PPIL4: variants seen among roughly 807,000 people sequenced by gnomAD.
PPIL4 encodes the protein peptidyl-prolyl cis-trans isomerase-like 4.
Under a neutral mutation model 69.1 loss-of-function variants are expected in PPIL4, and 50 were observed. The observed-to-expected ratio is 0.72, with a 90% CI of 0.58 to 0.92. The LOEUF (loss-of-function observed/expected upper bound fraction) is 0.92. Ranked by LOEUF, PPIL4 falls within the 40% of genes least tolerant of loss-of-function variation. The pLI, the probability that PPIL4 is intolerant of heterozygous loss-of-function variation, is 0.00. For missense variants in PPIL4, 480 were observed against 587.9 expected (o/e 0.82, Z 1.90); for synonymous variants, 193 against 191.6 (o/e 1.01, Z -0.06).
chr6:149,526,325 T>C (rs1777106503), intron 8 of PPIL4, among the ~76,000 whole-genome samples: 2 of 152,158 alleles, frequency 1.3e-5, no homozygotes, highest in African/African-American at 4.8e-5. Flanking sequence ...AGGAGTTGAA[T>C]GAGATAAATA....
chr6:149,529,519 T>C (rs1267194092), intron 7 of PPIL4, among the ~76,000 whole-genome samples: 1 of 150,716 alleles, frequency 6.6e-6, no homozygotes, highest in African/African-American at 2.4e-5. Context: ...TCCCAGCACT[T>C]TGGGAGGCTG....
At position 149,520,949 on chromosome 6, in the gene PPIL4, G is replaced by A. The variant is rs1319221201; in HGVS notation, c.982+111C>T. 8 of 621,040 alleles carry A rather than the reference G, an allele frequency of 1.3e-5. No homozygotes were observed. In the East Asian group the frequency reaches 2.3e-4, roughly 18 times the overall value. 38.5% of individuals were successfully genotyped at this position (621,040 alleles called of 1,614,324 possible). On this transcript the variant is annotated intron_variant, in intron 10 of 12. Transcript: ENST00000253329. The stretch of plus-strand genomic sequence containing the variant: ...AATGGCTTGAACCTGGGAGACACAG[G>A]TTGCAGTGAACCAAGATCGTGCCAC...
intron 7 of PPIL4, among the ~76,000 whole-genome samples, chr6:149,532,823 T>C (rs1012008633): frequency 5.9e-5 from 9 of 152,194 alleles, no homozygotes; most frequent in African/African-American, 2.2e-4. Context: ...CTCTATAAAA[T>C]AATAAATAAA....
intron 7 of PPIL4, among the ~76,000 whole-genome samples, chr6:149,528,938 T>A (rs114583181): frequency 6.6e-6 from 1 of 152,124 alleles, no homozygotes; most frequent in Non-Finnish European, 1.5e-5. Context: ...TTAAAAGAAA[T>A]GAGCTATCAG....
At chr6:149,524,727 C>T (rs1777081282) in intron 9 of PPIL4, among the ~76,000 whole-genome samples, 1 of 152,072 alleles carries the variant, frequency 6.6e-6, no homozygotes, top group South Asian at 2.1e-4. Context: ...TGGTGAAACC[C>T]TGTCTCTACT....
At chr6:149,508,401 A>G (rs1776796683) in intron 12 of PPIL4, among the ~76,000 whole-genome samples, 1 of 152,230 alleles carries the variant, frequency 6.6e-6, no homozygotes, top group Non-Finnish European at 1.5e-5. Context: ...ACATAAGACA[A>G]GATGATTAAA....
In PPIL4 at chr6:149,532,621, G is replaced by T. The variant is rs371558376; in HGVS notation, c.678+837C>A. On this transcript the variant is annotated intron_variant, in intron 7 of 12. Transcript: ENST00000253329. ...TTGATGGTAATATAAACTTAAGCCT[G>T]GCCAACATAGGGAGATCCTGTCTCT... 9.9e-5 allele frequency among the ~76,000 whole-genome samples: 15 copies of T among 152,026 alleles called. No individual in the cohort carries two copies. In the East Asian group the frequency reaches 2.9e-3, roughly 29 times the overall value.
At chr6:149,532,338 C>G (rs1404110977) in intron 7 of PPIL4, among the ~76,000 whole-genome samples, 2 of 152,152 alleles carry the variant, frequency 1.3e-5, no homozygotes, top group East Asian at 3.9e-4. Flanking sequence ...GCATAAACTT[C>G]CAAAGTGTTG....
At chr6:149,538,643 AG>A (rs888232621) in intron 4 of PPIL4, among the ~76,000 whole-genome samples, 10 of 152,328 alleles carry the variant, frequency 6.6e-5, no homozygotes, top group African/African-American at 2.2e-4. Flanking sequence ...ACAGAAGTTA[AG>A]AAGAAGTAGA....
chr6:149,530,793 A>G (rs1445312177), intron 7 of PPIL4, among the ~76,000 whole-genome samples: 1 of 152,194 alleles, frequency 6.6e-6, no homozygotes. Context: ...AAACTGGTGC[A>G]GTCAGGAATC....
chr6:149,509,010 G>A (rs1776804520), intron 12 of PPIL4, among the ~76,000 whole-genome samples: 1 of 151,624 alleles, frequency 6.6e-6, no homozygotes. Context: ...AAAATCGGGG[G>A]GCCATTAAAA....
At chr6:149,525,871 C>T (rs762052039) in intron 8 of PPIL4, among the ~76,000 whole-genome samples, 3 of 152,106 alleles carry the variant, frequency 2.0e-5, no homozygotes, top group East Asian at 1.9e-4. Context: ...GAGGCCAAGA[C>T]GGACGGATCA....
In PPIL4 at chr6:149,546,037, G is replaced by A; in HGVS notation, c.-32C>T. On this transcript the variant is annotated 5_prime_UTR_variant, in exon 1 of 13. Transcript: ENST00000253329. ...CGCTCCTCCTCCGCTACAAACCCCG[G>A]GAGGAGGGGGGTGACAGGCGCAGGC... 4 of 1,552,686 alleles carry A rather than the reference G, an allele frequency of 2.6e-6. No individual in the cohort carries two copies. In the East Asian group the frequency reaches 7.3e-5, roughly 28 times the overall value.
At chr6:149,512,688 T>C (rs1294835215) in intron 11 of PPIL4, among the ~76,000 whole-genome samples, 1 of 152,178 alleles carries the variant, frequency 6.6e-6, no homozygotes, top group Non-Finnish European at 1.5e-5. Context: ...GTCTCTTCTT[T>C]TAGTTCAATC....
chr6:149,541,585 G>C lies in PPIL4; in HGVS notation c.72C>G (p.Ala24=), dbSNP rs150569351. The C allele has an allele frequency of 1.9e-5, 30 of 1,543,578 alleles. No individual in the cohort carries two copies. In the East Asian group the frequency reaches 5.0e-4, roughly 26 times the overall value. The change falls in exon 2 of 13, where the codon GCC becomes GCG. Residue 24 remains alanine (A), a splice_region_variant and synonymous_variant. Coordinates refer to ENST00000253329, the MANE Select transcript of PPIL4 (RefSeq NM_139126.4). ...TGCACAGTTTCAAGAAATTCAAGCA[G>C]GCTGAAAGAAAGTAAATACCAAATT... ...IDLYTEERPR[A]CLNFLKLCKI... is the part of the protein sequence containing the mutation.
rs1033371563 is a variant in PPIL4, at chr6:149,504,511, T to C, written c.*942A>G. On this transcript the variant is annotated 3_prime_UTR_variant, in exon 13 of 13. Coordinates refer to ENST00000253329, the MANE Select transcript of PPIL4 (RefSeq NM_139126.4). ...TACAGCAAGCACATCATAATCAAAC[T>C]TCTTACAACCAGTGACAGAAAACCT... 6.6e-6 allele frequency among the ~76,000 whole-genome samples: 1 copy of C among 152,062 alleles called. No individual in the cohort carries two copies. Among genetic ancestry groups the C allele is most frequent in the South Asian group, 2.1e-4 (1 of 4,820 alleles).
At chr6:149,523,994 AT>A (rs2115033140) in intron 9 of PPIL4, among the ~76,000 whole-genome samples, 1 of 152,302 alleles carries the variant, frequency 6.6e-6, no homozygotes, top group South Asian at 2.1e-4. Flanking sequence ...TTCATCTTGT[AT>A]CCCTAGGCCT....
chr6:149,534,634 C>A (rs769329800), intron 6 of PPIL4, 44 bp downstream of exon 6: 2 of 975,082 alleles, frequency 2.1e-6, no homozygotes, highest in Non-Finnish European at 3.1e-6. Context: ...CCATACAAAT[C>A]ATTAATATGA....
At chr6:149,518,055 G>C (rs1382722913) in intron 10 of PPIL4, among the ~76,000 whole-genome samples, 1 of 152,084 alleles carries the variant, frequency 6.6e-6, no homozygotes, top group South Asian at 2.1e-4. Flanking sequence ...GCAAATAGAA[G>C]AGGGCAGGAT....
Sources: gnomAD v4.1 joint callset for allele counts (sites outside exome capture counted in the v4.1 genomes callset) on GRCh38, gnomAD v4.1.1 for gene constraint, MANE v1.5 for transcripts, NCBI Gene and HGNC (gene_info 2026-07-23, HGNC 2026-07-21) for gene names.